Variants in TBCK observed in about 807,000 individuals in gnomAD.
TBCK encodes the protein TBC domain-containing protein kinase-like protein.
Under a neutral mutation model 113.4 loss-of-function variants are expected in TBCK, and 99 were observed. The ratio of observed to expected loss-of-function variants is 0.87; its 90% CI spans 0.74 to 1.03. TBCK has a LOEUF of 1.03. Among genes scored for constraint, TBCK ranks in the 50% least tolerant of loss-of-function variants. The pLI is 0.00. For synonymous variants in TBCK, 369 were observed against 370.8 expected, an observed-to-expected ratio of 1.00 and a Z score of 0.05; for missense variants, 1,045 against 1,061.3, an observed-to-expected ratio of 0.98 and a Z score of 0.21.
intron 23 of TBCK, among the ~76,000 whole-genome samples, chr4:106,120,960 G>C (rs1022965734): frequency 1.7e-4 from 26 of 152,294 alleles, no homozygotes; most frequent in African/African-American, 6.3e-4. Flanking sequence ...AACAAAGCTG[G>C]ATGGAGAATG....
chr4:106,189,362 A>AAAAAG, intron 22 of TBCK, among the ~76,000 whole-genome samples: 1 of 148,176 alleles, frequency 6.7e-6, no homozygotes, highest in African/African-American at 2.5e-5. Flanking sequence ...AAAAAAAAGA[A>AAAAAG]AAATAGACAT....
intron 19 of TBCK, among the ~76,000 whole-genome samples, chr4:106,225,748 C>G (rs974321666): frequency 6.6e-6 from 1 of 152,118 alleles, no homozygotes; most frequent in African/African-American, 2.4e-5. Flanking sequence ...TGAGCCACTG[C>G]GCCCAGCTTT....
At chr4:106,260,024 T>C (rs1180111456) in intron 5 of TBCK, among the ~76,000 whole-genome samples, 6 of 151,852 alleles carry the variant, frequency 4.0e-5, no homozygotes, top group Non-Finnish European at 8.9e-5. Flanking sequence ...ATATATATCT[T>C]AGAGAAAAGG....
At position 106,232,973 on chromosome 4, in the gene TBCK, C is replaced by T. The variant is rs1296819597; in HGVS notation, c.1604G>A (p.Trp535Ter). 1 of 1,612,176 alleles carries T rather than the reference C, an allele frequency of 6.2e-7. No individual in the cohort carries two copies. Among genetic ancestry groups the T allele is most frequent in the Non-Finnish European group, 8.5e-7 (1 of 1,178,808 alleles). The stretch of plus-strand genomic sequence containing the variant: ...CACAAGATCAGGATGAGACACTACC[C>T]AGGCTTTTAATACACGCCTAAATTT... ...HAKFRRVLKA[W>*]VVSHPDLVYW... Residue 535 changes from tryptophan to a stop codon, truncating the protein, a stop_gained, in exon 17 of 26, where the codon TGG becomes TAG. Coordinates refer to ENST00000394708, the MANE Select transcript of TBCK (RefSeq NM_001163435.3). LOFTEE classifies it high-confidence loss of function.
At chr4:106,087,753 A>C (rs945240923) in intron 25 of TBCK, among the ~76,000 whole-genome samples, 1 of 152,160 alleles carries the variant, frequency 6.6e-6, no homozygotes, top group Admixed American at 6.5e-5. Flanking sequence ...GGACCAACAT[A>C]CAGACCAATG....
At chr4:106,072,995 G>A (rs1472484349) in intron 25 of TBCK, among the ~76,000 whole-genome samples, 1 of 152,108 alleles carries the variant, frequency 6.6e-6, no homozygotes, top group East Asian at 1.9e-4. Flanking sequence ...TTAGCCATTC[G>A]TCTAATCCTT....
At chr4:106,124,644 A>T (rs1438961016) in intron 23 of TBCK, among the ~76,000 whole-genome samples, 1 of 152,152 alleles carries the variant, frequency 6.6e-6, no homozygotes. Flanking sequence ...AATGTGGCAC[A>T]TATACACCAT....
chr4:106,271,023 G>C (rs1408522356), intron 3 of TBCK, among the ~76,000 whole-genome samples: 2 of 152,140 alleles, frequency 1.3e-5, no homozygotes, highest in Non-Finnish European at 2.9e-5. Context: ...GGCAGACAAA[G>C]CAAAATAATA....
intron 12 of TBCK, among the ~76,000 whole-genome samples, chr4:106,237,050 T>G (rs1759556794): frequency 6.6e-6 from 1 of 152,060 alleles, no homozygotes; most frequent in Admixed American, 6.6e-5. Flanking sequence ...TCATAAATGT[T>G]AGACACTTAT....
intron 25 of TBCK, among the ~76,000 whole-genome samples, chr4:106,049,720 C>T (rs1182624093): frequency 6.6e-6 from 1 of 152,018 alleles, no homozygotes; most frequent in Non-Finnish European, 1.5e-5. Flanking sequence ...TCTACACTTA[C>T]TGAGCAACAT....
chr4:106,237,337 C>T (rs1032429107), intron 12 of TBCK, among the ~76,000 whole-genome samples: 1 of 152,126 alleles, frequency 6.6e-6, no homozygotes, highest in Non-Finnish European at 1.5e-5. Context: ...GGAGAGAGTT[C>T]ACTTAATGAC....
intron 25 of TBCK, among the ~76,000 whole-genome samples, chr4:106,092,620 C>T (rs941252115): frequency 6.6e-5 from 10 of 152,230 alleles, no homozygotes; most frequent in Non-Finnish European, 1.3e-4. Context: ...GGACCTGGCG[C>T]ACCCTCCGCA....
At chr4:106,155,903 T>C (rs1291407293) in intron 23 of TBCK, among the ~76,000 whole-genome samples, 1 of 152,082 alleles carries the variant, frequency 6.6e-6, no homozygotes, top group African/African-American at 2.4e-5. Flanking sequence ...ATTTAGTTCA[T>C]TTAGTGAGGT....
chr4:106,245,535 C>A (rs1426662605), intron 10 of TBCK, among the ~76,000 whole-genome samples: 1 of 152,106 alleles, frequency 6.6e-6, no homozygotes, highest in East Asian at 1.9e-4. Context: ...TCACTCTAGA[C>A]AAAGTGTTTC....
rs751210092 is a variant in TBCK at position 106,232,998 on chromosome 4, T to C, written c.1579A>G (p.Lys527Glu). ...CAGGCTTTTAATACACGCCTAAATT[T>C]TGCATGACCTTCTGGTGATGATAAC... is the stretch of plus-strand genomic sequence containing the variant. ...ELLSSPEGHA[K>E]FRRVLKAWVV... The change falls in exon 17 of 26, where the codon AAA becomes GAA. Residue 527 changes from lysine (K) to glutamate (E), a missense_variant. Physicochemically the swap from Lys to Glu is moderately conservative, Grantham distance 56. Transcript: ENST00000394708. 6.2e-7 allele frequency: 1 copy of C among 1,612,528 alleles called. No homozygotes were observed. The highest frequency in any genetic ancestry group is 1.1e-5 in the South Asian group (1 of 91,040).
Position 106,164,118 on chromosome 4 carries a change from C to T in TBCK, c.2235+6977G>A, listed in dbSNP as rs1047629454. Among the ~76,000 whole-genome samples, 8 of 151,950 alleles carry T rather than the reference C, an allele frequency of 5.3e-5. No homozygotes were observed. The South Asian group carries it at 8.3e-4, about 16-fold the overall frequency. ...CTTCTAGAGGGCTGATACATTTTAC[C>T]CCTACATGTAGCTGCCAGGGTTTCT... On this transcript the variant is annotated intron_variant, in intron 23 of 25. Transcript: ENST00000394708.
chr4:106,244,111 A>G (rs1202603900), intron 11 of TBCK, among the ~76,000 whole-genome samples: 2 of 152,204 alleles, frequency 1.3e-5, no homozygotes, highest in Admixed American at 1.3e-4. Flanking sequence ...TTTAACTTCC[A>G]GTCTAATTTC....
At position 106,146,049 on chromosome 4, in the gene TBCK, T is replaced by C. The variant is rs369677411; in HGVS notation, c.2235+25046A>G. Among the ~76,000 whole-genome samples, 36 of 152,236 alleles carry C rather than the reference T, an allele frequency of 2.4e-4. 2 individuals are homozygous for C. The South Asian group carries it at 6.8e-3, about 29-fold the overall frequency. On this transcript the variant is annotated intron_variant, in intron 23 of 25. Coordinates refer to ENST00000394708, the MANE Select transcript of TBCK (RefSeq NM_001163435.3). The stretch of plus-strand genomic sequence containing the variant: ...CCCAGCCATCCCATTACTGAGTATA[T>C]ACCCAGAAGAATATAAATCGTTCTA...
intron 24 of TBCK, among the ~76,000 whole-genome samples, chr4:106,101,073 A>C (rs1290759346): frequency 2.0e-5 from 3 of 152,172 alleles, no homozygotes; most frequent in Non-Finnish European, 4.4e-5. Context: ...TATTTCATGT[A>C]TCTATTTTAG....
Sources: allele counts gnomAD v4.1 joint callset (sites outside exome capture counted in the v4.1 genomes callset), GRCh38; gene constraint gnomAD v4.1.1; transcripts MANE v1.5; gene names NCBI Gene and HGNC (gene_info 2026-07-23, HGNC 2026-07-21).